The following CHD7 variants were observed in gnomAD, a reference collection of about 807,000 sequenced individuals.
The protein encoded by CHD7 is chromodomain helicase DNA binding protein 7.
In CHD7, 24 loss-of-function variants were observed where a neutral mutation model predicts 307.3. The observed-to-expected ratio is 0.08, with a 90% CI of 0.06 to 0.11. CHD7 has a LOEUF of 0.11. Among genes scored for constraint, CHD7 ranks in the 10% least tolerant of loss-of-function variants. The pLI, the probability that CHD7 is intolerant of heterozygous loss-of-function variation, is 1.00. For synonymous variants in CHD7, 1,363 were observed against 1,349.9 expected (o/e 1.01, Z -0.21); for missense variants, 3,106 against 3,727.1 (o/e 0.83, Z 4.34).
chr8:60,823,844 G>A lies in CHD7; in HGVS notation c.3206G>A (p.Arg1069Gln), dbSNP rs1346050533. ...YEMYFKDPQG[R>Q]VIKGSYKFHA... ...AATTCAGAGTTGTTCTTATAGGGTCGAGTGATAAAGGGGTCCTATAAGTTT... is the reference window on the plus strand; with the variant it reads ...AATTCAGAGTTGTTCTTATAGGGTCAAGTGATAAAGGGGTCCTATAAGTTT... The change falls in exon 13 of 38, where the codon CGA becomes CAA. Residue 1069 changes from arginine (R) to glutamine (Q), a missense_variant. Around this residue, in one of 10 missense-constraint regions of CHD7, gnomAD observed 232 missense variants for 422.5 expected, o/e 0.55. Coordinates refer to ENST00000423902, the MANE Select transcript of CHD7 (RefSeq NM_017780.4). 1.7e-5 allele frequency: 28 copies of A among 1,612,644 alleles called. No homozygotes were observed. Among genetic ancestry groups the A allele is most frequent in the Non-Finnish European group, 2.3e-5 (27 of 1,178,892 alleles).
chr8:60,797,179 T>A (rs1244213324), intron 4 of CHD7, among the ~76,000 whole-genome samples: 1 of 152,226 alleles, frequency 6.6e-6, no homozygotes, highest in East Asian at 1.9e-4. Context: ...AATAATTTAA[T>A]TTTACATTGG....
At position 60,795,173 on chromosome 8, in the gene CHD7, G is replaced by A. The variant is rs150860582; in HGVS notation, c.2238+46G>A. On this transcript the variant is annotated intron_variant, in intron 4 of 37. Transcript: ENST00000423902. ...CCCGAGCCTTGGTTATTTGGCATGGGTAACTTTAGCCATGTATGAAGTACA... is the reference window on the plus strand; with the variant it reads ...CCCGAGCCTTGGTTATTTGGCATGGATAACTTTAGCCATGTATGAAGTACA... 85 of 1,584,072 alleles carry A rather than the reference G, an allele frequency of 5.4e-5. No individual in the cohort carries two copies. In the Middle Eastern group the frequency reaches 6.7e-4, roughly 13 times the overall value.
chr8:60,824,397 G>A (rs1481025202), intron 13 of CHD7: 2 of 283,948 alleles, frequency 7.0e-6, no homozygotes, highest in Non-Finnish European at 1.3e-5. Flanking sequence ...TTGGATTTTG[G>A]ATTTTCTCAT....
chr8:60,824,114 G>C, intron 13 of CHD7, 98 bp downstream of exon 13: 1 of 1,052,234 alleles, frequency 9.5e-7, no homozygotes, highest in South Asian at 1.6e-5. Flanking sequence ...AACAGTATTT[G>C]AAAAGCTTGT....
At chr8:60,790,807 A>G (rs1811740054) in intron 3 of CHD7, among the ~76,000 whole-genome samples, 1 of 152,166 alleles carries the variant, frequency 6.6e-6, no homozygotes, top group South Asian at 2.1e-4. Flanking sequence ...TAATGTTACC[A>G]CCAACTTTTG....
chr8:60,747,842 GT>G (rs1453424687), intron 2 of CHD7, among the ~76,000 whole-genome samples: 1 of 152,244 alleles, frequency 6.6e-6, no homozygotes, highest in East Asian at 1.9e-4. Context: ...TATCTCTGAA[GT>G]GAGGGATCAT....
intron 14 of CHD7, among the ~76,000 whole-genome samples, chr8:60,829,691 G>C (rs1181200972): frequency 2.0e-5 from 3 of 152,310 alleles, no homozygotes; most frequent in African/African-American, 7.2e-5. Context: ...TGCTGTATTT[G>C]AAATAAATAA....
intron 1 of CHD7, among the ~76,000 whole-genome samples, chr8:60,735,548 A>G (rs542097992): frequency 3.9e-5 from 6 of 152,286 alleles, no homozygotes; most frequent in South Asian, 2.1e-4. Flanking sequence ...CATACTGAAA[A>G]TTATTTATGA....
At chr8:60,860,813 A>G in intron 34 of CHD7, 91 bp from the exon 35 acceptor site, 1 of 907,768 alleles carries the variant, frequency 1.1e-6, no homozygotes, top group South Asian at 1.7e-5. Flanking sequence ...TTGATAAAAG[A>G]TCCATTCTAG....
intron 2 of CHD7, among the ~76,000 whole-genome samples, chr8:60,779,096 G>A (rs941602458): frequency 3.1e-4 from 47 of 152,286 alleles, no homozygotes; most frequent in African/African-American, 1.1e-3. Flanking sequence ...GACCAGCAAA[G>A]GGCAATAAGT....
intron 3 of CHD7, among the ~76,000 whole-genome samples, chr8:60,782,522 G>C (rs1013030180): frequency 2.6e-5 from 4 of 152,168 alleles, no homozygotes; most frequent in African/African-American, 9.7e-5. Context: ...TTAAAAGTTT[G>C]GATCATAGCC....
intron 2 of CHD7, among the ~76,000 whole-genome samples, chr8:60,757,193 T>C (rs1563574574): frequency 1.3e-5 from 2 of 152,180 alleles, no homozygotes; most frequent in Non-Finnish European, 2.9e-5. Flanking sequence ...ATAGAAGTCT[T>C]CTTTTTGGTG....
chr8:60,686,935 T>G (rs1805930581), intron 1 of CHD7, among the ~76,000 whole-genome samples: 1 of 152,230 alleles, frequency 6.6e-6, no homozygotes, highest in South Asian at 2.1e-4. Context: ...ACATTTTATT[T>G]GTTATCCATT....
intron 1 of CHD7, among the ~76,000 whole-genome samples, chr8:60,700,656 A>C (rs891474129): frequency 1.3e-5 from 2 of 152,200 alleles, no homozygotes; most frequent in East Asian, 1.9e-4. Flanking sequence ...TGGTCTGTCA[A>C]CATGCAGCTT....
intron 2 of CHD7, among the ~76,000 whole-genome samples, chr8:60,754,110 T>A (rs1000747420): frequency 6.6e-6 from 1 of 152,238 alleles, no homozygotes; most frequent in Non-Finnish European, 1.5e-5. Context: ...CCCTCCACTA[T>A]TCTGTGTAGT....
intron 21 of CHD7, among the ~76,000 whole-genome samples, chr8:60,844,393 A>G (rs1805109852): frequency 6.6e-6 from 1 of 152,208 alleles, no homozygotes; most frequent in South Asian, 2.1e-4. Context: ...TGACTGTGGC[A>G]TCCCCTTAGA....
At chr8:60,754,596 A>G (rs146390961) in intron 2 of CHD7, among the ~76,000 whole-genome samples, 77 of 152,330 alleles carry the variant, frequency 5.1e-4, no homozygotes, top group Middle Eastern at 3.4e-3. Flanking sequence ...TAAGGCAGAC[A>G]AAAATTCATA....
chr8:60,737,647 T>G (rs1808776206), intron 1 of CHD7, among the ~76,000 whole-genome samples: 1 of 152,212 alleles, frequency 6.6e-6, no homozygotes, highest in African/African-American at 2.4e-5. Flanking sequence ...GTCCTTTAGT[T>G]CACATCTCAG....
intron 31 of CHD7, 96 bp downstream of exon 31, chr8:60,853,596 G>A: frequency 2.2e-6 from 2 of 921,512 alleles, no homozygotes; most frequent in East Asian, 5.1e-5. Context: ...TTTTTCACGA[G>A]TACTTAGTGT....
Sources: gnomAD v4.1 joint callset for allele counts (sites outside exome capture counted in the v4.1 genomes callset) on GRCh38, gnomAD v4.1.1 for gene constraint, gnomAD v4.1.1 regional missense constraint, MANE v1.5 for transcripts, NCBI Gene and HGNC (gene_info 2026-07-23, HGNC 2026-07-21) for gene names.